The following CSMD1 variants were observed in gnomAD, a reference collection of about 807,000 sequenced individuals.
CSMD1 encodes CUB and sushi domain-containing protein 1.
CSMD1 carries 213 observed loss-of-function variants against 417.5 expected under a neutral mutation model. The ratio of observed to expected loss-of-function variants is 0.51; its 90% CI spans 0.46 to 0.57. The LOEUF (loss-of-function observed/expected upper bound fraction) is 0.57, where lower values mean the gene tolerates loss of function less well. CSMD1 is among the 20% of genes least tolerant of loss of function. CSMD1 has a pLI of 0.00. For synonymous variants in CSMD1, 2,862 were observed against 1,736.8 expected, an observed-to-expected ratio of 1.65 and a Z score of -16.11; for missense variants, 6,923 against 4,529.7, an observed-to-expected ratio of 1.53 and a Z score of -15.17.
intron 49 of CSMD1, among the ~76,000 whole-genome samples, chr8:3,062,665 T>C (rs772615322): frequency 6.6e-6 from 1 of 150,804 alleles, no homozygotes. Flanking sequence ...TAGCACTTCA[T>C]AACCCAAGGA....
intron 5 of CSMD1, among the ~76,000 whole-genome samples, chr8:3,942,903 A>C (rs1266985683): frequency 6.6e-6 from 1 of 152,118 alleles, no homozygotes; most frequent in Non-Finnish European, 1.5e-5. Flanking sequence ...TCATTGTGAT[A>C]CTTTTTTTTG....
intron 3 of CSMD1, among the ~76,000 whole-genome samples, chr8:4,163,763 T>C (rs1797297510): frequency 6.6e-6 from 1 of 152,168 alleles, no homozygotes; most frequent in South Asian, 2.1e-4. Context: ...AAGCTTACAA[T>C]TTTGGAAATG....
chr8:3,340,137 G>C (rs535930846), intron 23 of CSMD1, among the ~76,000 whole-genome samples: 9 of 152,270 alleles, frequency 5.9e-5, no homozygotes, highest in East Asian at 5.8e-4. Flanking sequence ...TTGAAAATAA[G>C]TTCATCAGCA....
chr8:3,981,333 G>A (rs1813845300), intron 5 of CSMD1, among the ~76,000 whole-genome samples: 1 of 151,874 alleles, frequency 6.6e-6, no homozygotes, highest in Non-Finnish European at 1.5e-5. Context: ...GCGGATTTTG[G>A]GGACTTCAGG....
intron 3 of CSMD1, among the ~76,000 whole-genome samples, chr8:4,359,305 G>C (rs140821255): frequency 6.6e-6 from 1 of 152,166 alleles, no homozygotes; most frequent in African/African-American, 2.4e-5. Context: ...TATGGCTGCA[G>C]TGCATTATTG....
At chr8:4,310,686 C>A (rs529117454) in intron 3 of CSMD1, among the ~76,000 whole-genome samples, 1 of 152,172 alleles carries the variant, frequency 6.6e-6, no homozygotes, top group East Asian at 1.9e-4. Flanking sequence ...AACAAAGACA[C>A]AACAACCATA....
rs1312454483 is a variant in CSMD1 at position 3,796,304 on chromosome 8, TATAG to T, written c.819-42266_819-42263del. Among the ~76,000 whole-genome samples, 21 of 90,258 alleles carry T rather than the reference TATAG, an allele frequency of 2.3e-4. 5 individuals carry two copies. The highest frequency in any genetic ancestry group is 8.3e-4 in the African/African-American group (17 of 20,474). The allele number at this position is 90,258 out of a possible 152,430, so 59.2% of individuals were successfully genotyped here. On this transcript the variant is annotated intron_variant, in intron 5 of 69. Coordinates refer to ENST00000635120, the MANE Select transcript of CSMD1 (RefSeq NM_033225.6). The stretch of plus-strand genomic sequence containing the variant: ...ATCATGTATAGATATATCTATCATG[TATAG>T]ATATAGATATCTATCATGTATAGAT...
chr8:4,225,943 G>C (rs556233576), intron 3 of CSMD1, among the ~76,000 whole-genome samples: 1 of 152,028 alleles, frequency 6.6e-6, no homozygotes, highest in South Asian at 2.1e-4. Flanking sequence ...GAATTTATTT[G>C]AATGTGAATT....
intron 10 of CSMD1, among the ~76,000 whole-genome samples, chr8:3,519,984 A>G (rs940949541): frequency 6.7e-6 from 1 of 148,630 alleles, no homozygotes; most frequent in East Asian, 2.0e-4. Context: ...AAACTTCTTT[A>G]TCTGTGTGCA....
chr8:4,326,593 C>G (rs1311282698), intron 3 of CSMD1, among the ~76,000 whole-genome samples: 1 of 152,238 alleles, frequency 6.6e-6, no homozygotes, highest in East Asian at 1.9e-4. Context: ...TTCTTTTTCT[C>G]TCCTACGGAG....
At chr8:3,310,191 T>C (rs926092405) in intron 23 of CSMD1, among the ~76,000 whole-genome samples, 6 of 152,234 alleles carry the variant, frequency 3.9e-5, no homozygotes, top group Non-Finnish European at 7.3e-5. Flanking sequence ...TCTCACTGCA[T>C]AATGCCAAGA....
intron 1 of CSMD1, among the ~76,000 whole-genome samples, chr8:4,873,822 T>C (rs1802877894): frequency 6.6e-6 from 1 of 152,128 alleles, no homozygotes; most frequent in Non-Finnish European, 1.5e-5. Flanking sequence ...TTCTTATAAG[T>C]TGTTTTATAT....
intron 1 of CSMD1, among the ~76,000 whole-genome samples, chr8:4,993,212 C>G (rs1010572921): frequency 6.6e-6 from 1 of 152,062 alleles, no homozygotes; most frequent in African/African-American, 2.4e-5. Context: ...GAAAAAAAAT[C>G]GTAAGATTGG....
At chr8:3,399,785 T>C (rs1353582113) in intron 15 of CSMD1, among the ~76,000 whole-genome samples, 1 of 152,252 alleles carries the variant, frequency 6.6e-6, no homozygotes, top group African/African-American at 2.4e-5. Context: ...GAGTTCTCTG[T>C]GCTAACTGAA....
At chr8:2,999,452 C>A (rs893139357) in intron 53 of CSMD1, among the ~76,000 whole-genome samples, 1 of 152,140 alleles carries the variant, frequency 6.6e-6, no homozygotes, top group African/African-American at 2.4e-5. Flanking sequence ...CCACGCCTGG[C>A]CAATTTTACC....
intron 1 of CSMD1, among the ~76,000 whole-genome samples, chr8:4,804,415 A>C (rs1281357727): frequency 6.6e-6 from 1 of 152,148 alleles, no homozygotes; most frequent in African/African-American, 2.4e-5. Flanking sequence ...CTTTCTATGC[A>C]ATTACTGAAT....
rs1805000434 is a variant in CSMD1, at chr8:3,307,838, G to C, written c.3824-17C>G. 1.2e-6 allele frequency: 2 copies of C among 1,606,812 alleles called. No individual in the cohort carries two copies. Among genetic ancestry groups the C allele is most frequent in the Non-Finnish European group, 8.5e-7 (1 of 1,177,602 alleles). ...CACATTCCGCTGTAGAAGACACAGA[G>C]AGATGGGAACGTTCAGCTTCAGGCA... On this transcript the variant is annotated splice_polypyrimidine_tract_variant and intron_variant, in intron 24 of 69. Coordinates refer to ENST00000635120, the MANE Select transcript of CSMD1 (RefSeq NM_033225.6).
At chr8:3,612,171 A>G (rs1377035799) in intron 8 of CSMD1, among the ~76,000 whole-genome samples, 1 of 152,126 alleles carries the variant, frequency 6.6e-6, no homozygotes, top group Non-Finnish European at 1.5e-5. Context: ...AATGTAAGAC[A>G]AATTTGATTT....
At chr8:3,666,054 C>T (rs1034942290) in intron 7 of CSMD1, among the ~76,000 whole-genome samples, 2 of 152,152 alleles carry the variant, frequency 1.3e-5, no homozygotes, top group African/African-American at 4.8e-5. Context: ...CAACACCACA[C>T]CTGGCTAATT....
Sources: allele counts gnomAD v4.1 joint callset (sites outside exome capture counted in the v4.1 genomes callset), GRCh38; gene constraint gnomAD v4.1.1; transcripts MANE v1.5; gene names NCBI Gene and HGNC (gene_info 2026-07-23, HGNC 2026-07-21).